Variants in NMNAT3 observed in about 807,000 individuals in gnomAD.
NMNAT3 encodes the protein nicotinamide nucleotide adenylyltransferase 3, also known as nicotinamide/nicotinic acid mononucleotide adenylyltransferase 3.
Under a neutral mutation model 24.8 loss-of-function variants are expected in NMNAT3, and 21 were observed. The observed-to-expected ratio is 0.85, with a 90% CI of 0.60 to 1.22. The LOEUF is 1.22. Ranked by LOEUF, NMNAT3 falls within the 50% of genes most tolerant of loss-of-function variation. NMNAT3 has a pLI of 0.00. For synonymous variants in NMNAT3, 136 were observed against 155.2 expected, an observed-to-expected ratio of 0.88 and a Z score of 0.92; for missense variants, 387 against 436.6, an observed-to-expected ratio of 0.89 and a Z score of 1.01.
chr3:139,574,018 T>C (rs571510898), intron 5 of NMNAT3, among the ~76,000 whole-genome samples: 24 of 152,262 alleles, frequency 1.6e-4, no homozygotes, highest in African/African-American at 5.1e-4. Flanking sequence ...GGACATGGGC[T>C]ATTAGAATCA....
intron 3 of NMNAT3, among the ~76,000 whole-genome samples, chr3:139,617,632 T>C (rs1343219429): frequency 6.6e-6 from 1 of 152,234 alleles, no homozygotes; most frequent in African/African-American, 2.4e-5. Context: ...GTTAACTAAA[T>C]AAGTATTAAC....
In NMNAT3 at chr3:139,647,158, C is replaced by T. The variant is rs542829761; in HGVS notation, c.-140-9096G>A. 9.2e-5 allele frequency among the ~76,000 whole-genome samples: 14 copies of T among 152,288 alleles called. No homozygotes were observed. In the South Asian group the frequency reaches 1.2e-3, roughly 14 times the overall value. On this transcript the variant is annotated intron_variant, in intron 1 of 6. Coordinates refer to ENST00000643695, the MANE Select transcript of NMNAT3 (RefSeq NM_001320510.2). ...CCAAATTGAAAAATGAAGATGGGCA[C>T]GTTTGTAATTTCACTCATTACAGTT...
At chr3:139,621,972 C>G (rs146350244) in intron 3 of NMNAT3, among the ~76,000 whole-genome samples, 1 of 152,236 alleles carries the variant, frequency 6.6e-6, no homozygotes, top group East Asian at 1.9e-4. Context: ...TTTTCATTAT[C>G]TCTTCATCCA....
chr3:139,614,654 T>G (rs533332082), intron 3 of NMNAT3, among the ~76,000 whole-genome samples: 43 of 152,372 alleles, frequency 2.8e-4, no homozygotes, highest in African/African-American at 9.6e-4. Context: ...GCACAGAAGT[T>G]GGGGTGGACC....
chr3:139,632,276 G>A (rs1421664391), intron 2 of NMNAT3, among the ~76,000 whole-genome samples: 2 of 151,994 alleles, frequency 1.3e-5, no homozygotes, highest in Non-Finnish European at 2.9e-5. Flanking sequence ...GCTCCCTGAA[G>A]GCACACAAGA....
At chr3:139,660,434 A>G (rs758273066) in intron 1 of NMNAT3, among the ~76,000 whole-genome samples, 4 of 152,256 alleles carry the variant, frequency 2.6e-5, no homozygotes, top group Non-Finnish European at 5.9e-5. Context: ...GATTCATCTT[A>G]AAGTCCCTCA....
intron 3 of NMNAT3, among the ~76,000 whole-genome samples, chr3:139,603,371 C>T (rs1436232221): frequency 6.6e-6 from 1 of 152,150 alleles, no homozygotes; most frequent in African/African-American, 2.4e-5. Flanking sequence ...ATGCTTTGCC[C>T]ATGTTACCCA....
At chr3:139,672,551 C>A (rs1386513441) in intron 1 of NMNAT3, 1 of 152,218 alleles carries the variant, frequency 6.6e-6, no homozygotes, top group Non-Finnish European at 1.5e-5. Context: ...TATAGCTGTA[C>A]CTTGAGAATA....
intron 1 of NMNAT3, among the ~76,000 whole-genome samples, chr3:139,642,453 C>A (rs1035055534): frequency 2.0e-5 from 3 of 152,186 alleles, no homozygotes; most frequent in Non-Finnish European, 2.9e-5. Flanking sequence ...AGAGAGACTG[C>A]ACCTGTGCCT....
chr3:139,621,822 A>G, intron 3 of NMNAT3, among the ~76,000 whole-genome samples: 1 of 152,182 alleles, frequency 6.6e-6, no homozygotes, highest in South Asian at 2.1e-4. Context: ...TAGCTTCCAC[A>G]TATAAGTGAG....
chr3:139,629,653 T>C (rs1233230002), intron 2 of NMNAT3, among the ~76,000 whole-genome samples: 2 of 152,186 alleles, frequency 1.3e-5, no homozygotes, highest in African/African-American at 4.8e-5. Context: ...GGACCCTGCT[T>C]ATATCAAAGG....
intron 6 of NMNAT3, among the ~76,000 whole-genome samples, chr3:139,572,663 T>C (rs1938584365): frequency 6.6e-6 from 1 of 152,178 alleles, no homozygotes; most frequent in Non-Finnish European, 1.5e-5. Context: ...GAAGAGTGTT[T>C]CCCAATCTTG....
intron 1 of NMNAT3, among the ~76,000 whole-genome samples, chr3:139,646,856 A>C (rs1400612050): frequency 6.6e-6 from 1 of 152,238 alleles, no homozygotes; most frequent in Non-Finnish European, 1.5e-5. Context: ...AGCAGGAGAC[A>C]TAATGTCAGT....
intron 3 of NMNAT3, among the ~76,000 whole-genome samples, chr3:139,603,251 G>A (rs935875602): frequency 6.6e-6 from 1 of 152,138 alleles, no homozygotes; most frequent in Non-Finnish European, 1.5e-5. Context: ...TGCTTGTTTA[G>A]TTTTTATGGA....
At chr3:139,655,893 A>G (rs189691487) in intron 1 of NMNAT3, among the ~76,000 whole-genome samples, 2 of 152,316 alleles carry the variant, frequency 1.3e-5, no homozygotes, top group East Asian at 3.9e-4. Context: ...TTCCAAGAGT[A>G]GCTCCTTGAA....
In NMNAT3 at chr3:139,561,085, C is replaced by G. The variant is rs1236794105; in HGVS notation, c.966G>C (p.Lys322Asn). The G allele has an allele frequency of 6.2e-7, 1 of 1,614,016 alleles. No homozygotes were observed. The highest frequency in any genetic ancestry group is 2.2e-5 in the East Asian group (1 of 44,872). The stretch of plus-strand genomic sequence containing the variant: ...TGCCCTTGGTGTAGAGGCCATGGTC[C>G]TTGATGTACGTGATGACAGCATCGG... Residue 322 changes from lysine to asparagine, a missense_variant, in exon 7 of 7, where the codon AAG becomes AAC. By Grantham distance (94) the Lys-to-Asn change is moderately conservative. This residue lies in a region of NMNAT3 where 323 missense variants were observed against 345.2 expected (regional missense o/e 0.94). Coordinates refer to ENST00000643695, the MANE Select transcript of NMNAT3 (RefSeq NM_001320510.2).
chr3:139,675,361 C>T (rs1160952346), intron 1 of NMNAT3, among the ~76,000 whole-genome samples: 14 of 151,900 alleles, frequency 9.2e-5, no homozygotes, highest in Admixed American at 9.2e-4. Context: ...CTGCAAGGTG[C>T]AGTGGCAGCC....
chr3:139,636,078 G>C (rs973107995), intron 2 of NMNAT3: 1 of 152,088 alleles, frequency 6.6e-6, no homozygotes, highest in African/African-American at 2.4e-5. Flanking sequence ...TGCCAACCCC[G>C]GGCTGCCTAC....
intron 3 of NMNAT3, among the ~76,000 whole-genome samples, chr3:139,583,903 T>C (rs1338707002): frequency 6.6e-6 from 1 of 152,256 alleles, no homozygotes; most frequent in Non-Finnish European, 1.5e-5. Flanking sequence ...TTTATCTGTT[T>C]AATGTCTTTT....
Sources: allele counts gnomAD v4.1 joint callset (sites outside exome capture counted in the v4.1 genomes callset), GRCh38; gene constraint gnomAD v4.1.1; regional missense constraint gnomAD v4.1.1; transcripts MANE v1.5; gene names NCBI Gene and HGNC (gene_info 2026-07-23, HGNC 2026-07-21).